Variants in C1orf141 observed in about 807,000 individuals in gnomAD.
C1orf141 encodes the protein uncharacterized protein C1orf141.
In C1orf141, 19 loss-of-function variants were observed where a neutral mutation model predicts 23.2. The ratio of observed to expected loss-of-function variants is 0.82; its 90% CI spans 0.57 to 1.20. C1orf141 has a LOEUF of 1.20. Ranked by LOEUF, C1orf141 falls within the 50% of genes most tolerant of loss-of-function variation. C1orf141 has a pLI of 0.00. For synonymous variants in C1orf141, 153 were observed against 154.6 expected (o/e 0.99, Z 0.08); for missense variants, 469 against 455.1 (o/e 1.03, Z -0.28).
rs190186844 is a variant in C1orf141 at position 67,096,643 on chromosome 1, C to T, written c.347-322G>A. On this transcript the variant is annotated intron_variant, in intron 5 of 7. Transcript: ENST00000684719. ...TTATTAACCAGTAGGAAGCTTCAGACGGTTATCACTTGGTAGGCAGGGAAG... is the reference window on the plus strand; with the variant it reads ...TTATTAACCAGTAGGAAGCTTCAGATGGTTATCACTTGGTAGGCAGGGAAG... Among the ~76,000 whole-genome samples the T allele has an allele frequency of 7.2e-5, 11 of 152,266 alleles. No individual in the cohort carries two copies. The East Asian group carries it at 1.3e-3, about 19-fold the overall frequency.
At chr1:67,094,208 G>A (rs556117411) in intron 7 of C1orf141, 14 of 152,080 alleles carry the variant, frequency 9.2e-5, no homozygotes, top group African/African-American at 2.9e-4. Context: ...CATTTTTATC[G>A]CAGTAATATC....
chr1:67,095,557 C>A (rs542360983), intron 6 of C1orf141, 136 bp from the exon 7 acceptor site: 2 of 557,728 alleles, frequency 3.6e-6, no homozygotes, highest in East Asian at 3.0e-5. Context: ...TTCAAACCGA[C>A]AAGATCATCC....
intron 5 of C1orf141, among the ~76,000 whole-genome samples, chr1:67,109,342 A>C (rs1646014297): frequency 1.3e-5 from 2 of 151,190 alleles, no homozygotes. Flanking sequence ...AAAAAAAAAA[A>C]AAAAAAAAAA....
At chr1:67,110,980 C>T (rs1646057822) in intron 5 of C1orf141, among the ~76,000 whole-genome samples, 1 of 150,316 alleles carries the variant, frequency 6.7e-6, no homozygotes, top group Non-Finnish European at 1.5e-5. Flanking sequence ...AAGTGACTTT[C>T]CCTTGCTAAT....
At chr1:67,104,757 A>G (rs1570690439) in intron 5 of C1orf141, among the ~76,000 whole-genome samples, 2 of 152,226 alleles carry the variant, frequency 1.3e-5, no homozygotes, top group South Asian at 4.1e-4. Flanking sequence ...AAAGAAGCTT[A>G]CAAGCTAATC....
Position 67,093,583 on chromosome 1 carries a change from T to C in C1orf141, c.625A>G (p.Ile209Val), listed in dbSNP as rs1034737586. 19 of 1,571,128 alleles carry C rather than the reference T, an allele frequency of 1.2e-5. No homozygotes were observed. The highest frequency in any genetic ancestry group is 2.3e-5 in the East Asian group (1 of 44,318). Reference sequence around the variant, plus strand: ...ACATATTCTGTGTCATGGAAAATTATGGGATTTGTGTCCTTTTGTTCCTGT... The same window carrying C: ...ACATATTCTGTGTCATGGAAAATTACGGGATTTGTGTCCTTTTGTTCCTGT... ...SHMEQKDTNP[I>V]IFHDTEYVRM... Residue 209 changes from isoleucine (I) to valine (V), a missense_variant, in exon 8 of 8, where the codon ATA becomes GTA. By Grantham distance (29) the Ile-to-Val change is conservative. Around this residue, in one of 3 missense-constraint regions of C1orf141, gnomAD observed 370 missense variants for 348.1 expected, o/e 1.06. Coordinates refer to ENST00000684719, the MANE Select transcript of C1orf141 (RefSeq NM_001276351.2).
At chr1:67,138,526 T>A (rs1646604809), upstream of C1orf141, among the ~76,000 whole-genome samples, 2 of 152,178 alleles carry the variant, frequency 1.3e-5, no homozygotes, top group South Asian at 4.1e-4. Context: ...TTCTTTCTTG[T>A]TTGTGTGTGT....
At chr1:67,117,473 T>G (rs1447269159) in intron 4 of C1orf141, among the ~76,000 whole-genome samples, 4 of 152,206 alleles carry the variant, frequency 2.6e-5, no homozygotes, top group Non-Finnish European at 5.9e-5. Flanking sequence ...AAATTTTTAT[T>G]GAACTTTCTT....
At chr1:67,132,864 C>G (rs1051766928) in intron 1 of C1orf141, among the ~76,000 whole-genome samples, 2 of 152,176 alleles carry the variant, frequency 1.3e-5, no homozygotes, top group Non-Finnish European at 2.9e-5. Context: ...TTCTTAATTT[C>G]TAGCACAGTA....
chr1:67,096,386 C>G, intron 5 of C1orf141, 65 bp from the exon 6 acceptor site: 1 of 812,444 alleles, frequency 1.2e-6, no homozygotes, highest in South Asian at 1.6e-5. Flanking sequence ...AAATATCTTG[C>G]ACAAAATATT....
intron 5 of C1orf141, among the ~76,000 whole-genome samples, chr1:67,114,371 C>T (rs4655676): frequency 0.89 from 135,619 of 152,152 alleles, 60,675 homozygotes; most frequent in East Asian, 0.97. Context: ...TTCCAAATAC[C>T]GTCCAGCACA....
In C1orf141 at chr1:67,125,663, C is replaced by T. The variant is rs992521524; in HGVS notation, c.233+89G>A. The T allele has an allele frequency of 7.4e-5, 93 of 1,250,484 alleles. 1 individual carries two copies. The highest frequency in any genetic ancestry group is 9.7e-5 in the Non-Finnish European group (83 of 853,008). The allele number at this position is 1,250,484 out of a possible 1,614,324, so 77.5% of individuals were successfully genotyped here. A position where few individuals can be genotyped will look rare whatever the true frequency, so the allele number is the denominator to read the frequency against. On this transcript the variant is annotated intron_variant, in intron 4 of 7. Coordinates refer to ENST00000684719, the MANE Select transcript of C1orf141 (RefSeq NM_001276351.2). ...GCAGTGAGCCATGTTTGCACCACTG[C>T]ACTCTACCCTAGGCAATGAGTGAGT... is the stretch of plus-strand genomic sequence containing the variant.
At chr1:67,135,631 T>C (rs570239801), upstream of C1orf141, among the ~76,000 whole-genome samples, 2 of 152,290 alleles carry the variant, frequency 1.3e-5, no homozygotes, top group Admixed American at 1.3e-4. Flanking sequence ...GAAAATGCAC[T>C]AAGGCCATGG....
intron 5 of C1orf141, among the ~76,000 whole-genome samples, chr1:67,106,199 C>A (rs1167614573): frequency 1.3e-5 from 2 of 152,128 alleles, no homozygotes; most frequent in Non-Finnish European, 1.5e-5. Flanking sequence ...AGAGTCTTCA[C>A]AATACAATAG....
chr1:67,120,736 G>T (rs1033882409), intron 4 of C1orf141, among the ~76,000 whole-genome samples: 1 of 152,102 alleles, frequency 6.6e-6, no homozygotes, highest in Non-Finnish European at 1.5e-5. Context: ...CTAGCCTTTA[G>T]AACTATGACA....
intron 2 of C1orf141, 31 bp downstream of exon 2, chr1:67,131,111 T>C (rs1346806150): frequency 6.6e-6 from 1 of 152,192 alleles, no homozygotes; most frequent in Non-Finnish European, 1.5e-5. Context: ...ATCAAGACGA[T>C]ATTAAATGGG....
At chr1:67,126,673 C>G (rs1646420267) in intron 3 of C1orf141, among the ~76,000 whole-genome samples, 1 of 152,212 alleles carries the variant, frequency 6.6e-6, no homozygotes, top group Admixed American at 6.5e-5. Context: ...TAACTGAGGT[C>G]TACCCTCTAA....
intron 4 of C1orf141, chr1:67,123,760 G>A (rs547921392): frequency 9.2e-5 from 14 of 152,084 alleles, no homozygotes; most frequent in African/African-American, 2.4e-5. Context: ...CCCTACTTAC[G>A]AGCTAACAAG....
chr1:67,109,206 A>G (rs1646006910), intron 5 of C1orf141, among the ~76,000 whole-genome samples: 2 of 152,070 alleles, frequency 1.3e-5, no homozygotes, highest in Admixed American at 1.3e-4. Flanking sequence ...TGACGCCTGT[A>G]GTCCCAGCTA....
Sources: gnomAD v4.1 joint callset for allele counts (sites outside exome capture counted in the v4.1 genomes callset) on GRCh38, gnomAD v4.1.1 for gene constraint, gnomAD v4.1.1 regional missense constraint, MANE v1.5 for transcripts, NCBI Gene and HGNC (gene_info 2026-07-23, HGNC 2026-07-21) for gene names.